IL4R: variants seen among roughly 807,000 people sequenced by gnomAD.
IL4R encodes interleukin-4 receptor subunit alpha.
In IL4R, 17 loss-of-function variants were observed where a neutral mutation model predicts 41.5. The observed-to-expected ratio is 0.41, with a 90% CI of 0.28 to 0.61. IL4R has a LOEUF of 0.61. Ranked by LOEUF, IL4R falls within the 20% of genes least tolerant of loss-of-function variation. The pLI, the probability that IL4R is intolerant of heterozygous loss-of-function variation, is 0.31. For synonymous variants in IL4R, 402 were observed against 422.9 expected (o/e 0.95, Z 0.61); for missense variants, 974 against 1,043.1 (o/e 0.93, Z 0.91).
At position 27,363,254 on chromosome 16, in the gene IL4R, C is replaced by T; in HGVS notation, c.1902C>T (p.Phe634=). The T allele has an allele frequency of 1.2e-6, 2 of 1,603,180 alleles. No individual in the cohort carries two copies. Among genetic ancestry groups the T allele is most frequent in the Non-Finnish European group, 1.7e-6 (2 of 1,173,978 alleles). The change falls in exon 11 of 11, where the codon TTC becomes TTT. Residue 634 remains phenylalanine (F), a synonymous_variant. Coordinates refer to ENST00000395762, the MANE Select transcript of IL4R (RefSeq NM_000418.4). The stretch of plus-strand genomic sequence containing the variant: ...GTGGGGAAGAGGGGTATAAGCCTTT[C>T]CAAGACCTCATTCCTGGCTGCCCTG... ...ASSGEEGYKP[F]QDLIPGCPGD...
In IL4R at chr16:27,358,934, G is replaced by T; in HGVS notation, c.789G>T (p.Trp263Cys). The change falls in exon 9 of 11, where the codon TGG becomes TGT. Residue 263 changes from tryptophan to cysteine, a missense_variant. Physicochemically the swap from Trp to Cys is radical, Grantham distance 215 (BLOSUM62 -2). Transcript: ENST00000395762. Reference sequence around the variant, plus strand: ...TTTTCAGGATTAAGAAAGAATGGTGGGATCAGATTCCCAACCCAGCCCGCA... The same window carrying T: ...TTTTCAGGATTAAGAAAGAATGGTGTGATCAGATTCCCAACCCAGCCCGCA... ...VSITKIKKEW[W>C]DQIPNPARSR... is the part of the protein sequence containing the mutation. 2 of 1,613,784 alleles carry T rather than the reference G, an allele frequency of 1.2e-6. No individual in the cohort carries two copies. The highest frequency in any genetic ancestry group is 2.2e-5 in the South Asian group (2 of 91,060).
At position 27,344,903 on chromosome 16, in the gene IL4R, G is replaced by A. The variant is rs144651842; in HGVS notation, c.244G>A (p.Ala82Thr). The change falls in exon 5 of 11, where the codon GCG becomes ACG. Residue 82 changes from alanine to threonine, a missense_variant. By Grantham distance (58) the Ala-to-Thr change is moderately conservative. Coordinates refer to ENST00000395762, the MANE Select transcript of IL4R (RefSeq NM_000418.4). ...GTGTATCCCTGAGAACAACGGAGGC[G>A]CGGGGTGCGTGTGCCACCTGCTCAT... is the stretch of plus-strand genomic sequence containing the variant. ...HTCIPENNGG[A>T]GCVCHLLMDD... 5.9e-3 allele frequency: 9,494 copies of A among 1,614,220 alleles called. 321 individuals are homozygous for A. The highest frequency in any genetic ancestry group is 0.05 in the East Asian group (2,232 of 44,892).
At chr16:27,358,174 G>T (rs3024654) in intron 8 of IL4R, among the ~76,000 whole-genome samples, 3 of 152,278 alleles carry the variant, frequency 2.0e-5, no homozygotes, top group East Asian at 1.9e-4. Context: ...GATTACAGGC[G>T]TGAGCCACCA....
rs1041220106 is a variant in IL4R, at chr16:27,361,010, T to C, written c.899+195T>C. 2.7e-6 allele frequency: 4 copies of C among 1,466,116 alleles called. No homozygotes were observed. The East Asian group carries it at 1.0e-4, about 37-fold the overall frequency. 90.8% of individuals were successfully genotyped at this position (1,466,116 alleles called of 1,614,324 possible). ...GCTGGCCAAGCCCCCTGAGTTTCAC[T>C]GGTGTGTCAGGTACATGGTGATACC... is the stretch of plus-strand genomic sequence containing the variant. On this transcript the variant is annotated intron_variant, in intron 10 of 10. Transcript: ENST00000395762.
At chr16:27,338,252 G>A (rs2085323258) in intron 2 of IL4R, among the ~76,000 whole-genome samples, 1 of 149,798 alleles carries the variant, frequency 6.7e-6, no homozygotes, top group Non-Finnish European at 1.5e-5. Flanking sequence ...TTTTTTTTAT[G>A]ACAGGGTCTT....
intron 6 of IL4R, among the ~76,000 whole-genome samples, chr16:27,351,033 G>A (rs565575455): frequency 6.6e-6 from 1 of 152,338 alleles, no homozygotes; most frequent in South Asian, 2.1e-4. Context: ...CTGTGGTTGG[G>A]AGTCTGGACA....
In IL4R at chr16:27,354,398, C is replaced by T. The variant is rs140839912; in HGVS notation, c.671-1410C>T. Among the ~76,000 whole-genome samples, 185 of 152,312 alleles carry T rather than the reference C, an allele frequency of 1.2e-3. 1 individual carries two copies. Among genetic ancestry groups the T allele is most frequent in the African/African-American group, 3.9e-3 (164 of 41,572 alleles). On this transcript the variant is annotated intron_variant, in intron 7 of 10. Transcript: ENST00000395762. ...GCAGGAAGGAAAGGAAAGGCTGCTA[C>T]GAGAGAGTGTACCTTGTGCATCTCT...
Position 27,340,234 on chromosome 16 carries a change from C to G in IL4R, c.31C>G (p.Pro11Ala), listed in dbSNP as rs1218358034. The G allele has an allele frequency of 6.2e-7, 1 of 1,613,990 alleles. No individual in the cohort carries two copies. Among genetic ancestry groups the G allele is most frequent in the Non-Finnish European group, 8.5e-7 (1 of 1,179,980 alleles). Residue 11 changes from proline to alanine, a missense_variant, in exon 3 of 11, where the codon CCT becomes GCT. Physicochemically the swap from Pro to Ala is conservative, Grantham distance 27 (BLOSUM62 -1). This residue lies in a region of IL4R where 284 missense variants were observed against 313.4 expected (regional missense o/e 0.91). Transcript: ENST00000395762. The stretch of plus-strand genomic sequence containing the variant: ...GTGGCTTTGCTCTGGGCTCCTGTTC[C>G]CTGTGAGCTGCCTGGTCCTGCTGCA... MGWLCSGLLFPVSCLVLLQVA... is the reference protein window; with the variant it reads MGWLCSGLLFAVSCLVLLQVA...
At position 27,362,450 on chromosome 16, in the gene IL4R, G is replaced by C. The variant is rs778188392; in HGVS notation, c.1098G>C (p.Glu366Asp). The change falls in exon 11 of 11, where the codon GAG becomes GAC. Residue 366 changes from glutamate to aspartate, a missense_variant. Glu to Asp is a conservative substitution (Grantham distance 45, BLOSUM62 2). Coordinates refer to ENST00000395762, the MANE Select transcript of IL4R (RefSeq NM_000418.4). ...TGGTGCGATGTGTGGAGTTGTTTGA[G>C]GCCCCGGTGGAGTGTGAGGAGGAGG... ...ISVVRCVELFEAPVECEEEEE... is the reference protein window; with the variant it reads ...ISVVRCVELFDAPVECEEEEE... The C allele has an allele frequency of 1.9e-5, 30 of 1,614,040 alleles. No individual in the cohort carries two copies. Among genetic ancestry groups the C allele is most frequent in the Middle Eastern group, 3.3e-4 (2 of 6,082 alleles).
At chr16:27,318,461 G>A (rs1269746750) in intron 1 of IL4R, among the ~76,000 whole-genome samples, 1 of 152,078 alleles carries the variant, frequency 6.6e-6, no homozygotes, top group East Asian at 1.9e-4. Flanking sequence ...AGGAAGAGAG[G>A]GCCAGGTGGA....
chr16:27,346,502 A>G lies in IL4R; in HGVS notation c.397A>G (p.Thr133Ala). 1.2e-6 allele frequency: 2 copies of G among 1,614,176 alleles called. No individual in the cohort carries two copies. The highest frequency in any genetic ancestry group is 1.7e-6 in the Non-Finnish European group (2 of 1,180,016). Residue 133 changes from threonine (T) to alanine (A), a missense_variant, in exon 6 of 11, where the codon ACC becomes GCC. This residue lies in a region of IL4R where 284 missense variants were observed against 313.4 expected (regional missense o/e 0.91). Coordinates refer to ENST00000395762, the MANE Select transcript of IL4R (RefSeq NM_000418.4). ...GGCCCCAGGAAACCTGACAGTTCAC[A>G]CCAATGTCTCCGACACTCTGCTGCT... is the stretch of plus-strand genomic sequence containing the variant. ...PRAPGNLTVH[T>A]NVSDTLLLTW...
At chr16:27,330,798 G>A (rs941549591) in intron 2 of IL4R, among the ~76,000 whole-genome samples, 13 of 152,052 alleles carry the variant, frequency 8.5e-5, no homozygotes, top group Admixed American at 7.2e-4. Context: ...ATGGAGTCAC[G>A]GGGTGTGTAC....
intron 2 of IL4R, among the ~76,000 whole-genome samples, chr16:27,331,087 C>T (rs540948584): frequency 9.9e-4 from 151 of 152,204 alleles, no homozygotes; most frequent in African/African-American, 3.4e-3. Context: ...CTCCCCTGCT[C>T]AAAGACCCTC....
intron 1 of IL4R, among the ~76,000 whole-genome samples, chr16:27,328,438 A>T (rs1461549932): frequency 6.6e-6 from 1 of 151,838 alleles, no homozygotes; most frequent in Non-Finnish European, 1.5e-5. Context: ...TTTTGTAGAG[A>T]TGTGGTTTCA....
chr16:27,340,068 C>T, intron 2 of IL4R, 118 bp from the exon 3 acceptor site: 1 of 685,524 alleles, frequency 1.5e-6, no homozygotes, highest in East Asian at 2.8e-5. Flanking sequence ...GAAAAACAAA[C>T]AAACAAGCAA....
rs763551109 is a variant in IL4R at position 27,363,152 on chromosome 16, G to C, written c.1800G>C (p.Glu600Asp). ...TGGTGGGCTTGGGTCCCCCAGGAGA[G>C]GCTGGTTACAAGGCCTTCTCAAGCC... ...SAVVGLGPPGEAGYKAFSSLL... is the reference protein window; with the variant it reads ...SAVVGLGPPGDAGYKAFSSLL... The change falls in exon 11 of 11, where the codon GAG becomes GAC. Residue 600 changes from glutamate to aspartate, a missense_variant. Transcript: ENST00000395762. The C allele has an allele frequency of 1.2e-6, 2 of 1,613,342 alleles. No individual in the cohort carries two copies. Among genetic ancestry groups the C allele is most frequent in the Admixed American group, 3.3e-5 (2 of 59,962 alleles).
At chr16:27,320,120 G>A (rs991966323) in intron 1 of IL4R, among the ~76,000 whole-genome samples, 4 of 152,134 alleles carry the variant, frequency 2.6e-5, no homozygotes, top group African/African-American at 9.7e-5. Context: ...ACCTGCCTCA[G>A]TCTCCCAAAG....
rs757516694 is a variant in IL4R, at chr16:27,362,612, G to T, written c.1260G>T (p.Gly420=). The change falls in exon 11 of 11, where the codon GGG becomes GGT. Residue 420 remains glycine (G), a synonymous_variant. Transcript: ENST00000395762. ...LFLDLLGEEN[G]GFCQQDMGES... is the part of the protein sequence containing the mutation. ...TGGACCTGCTCGGAGAGGAGAATGG[G>T]GGCTTTTGCCAGCAGGACATGGGGG... 1 of 1,614,106 alleles carries T rather than the reference G, an allele frequency of 6.2e-7. No individual in the cohort carries two copies. Among genetic ancestry groups the T allele is most frequent in the Non-Finnish European group, 8.5e-7 (1 of 1,180,010 alleles).
chr16:27,344,858 TG>T lies in IL4R; in HGVS notation c.210-10del, dbSNP rs745518329. 1 of 1,613,826 alleles carries T rather than the reference TG, an allele frequency of 6.2e-7. No individual in the cohort carries two copies. Among genetic ancestry groups the T allele is most frequent in the Non-Finnish European group, 8.5e-7 (1 of 1,179,884 alleles). ...CAGGTGACCAGCCTAACCCAGCCCC[TG>T]TGTCTGCAGAGCCCACACGTGTATC... is the stretch of plus-strand genomic sequence containing the variant. On this transcript the variant is annotated splice_polypyrimidine_tract_variant and intron_variant, in intron 4 of 10. Coordinates refer to ENST00000395762, the MANE Select transcript of IL4R (RefSeq NM_000418.4).
Sources: gnomAD v4.1 joint callset for allele counts (sites outside exome capture counted in the v4.1 genomes callset) on GRCh38, gnomAD v4.1.1 for gene constraint, gnomAD v4.1.1 regional missense constraint, MANE v1.5 for transcripts, NCBI Gene and HGNC (gene_info 2026-07-23, HGNC 2026-07-21) for gene names.